Variants in DCX observed in about 807,000 individuals in gnomAD.
DCX encodes neuronal migration protein doublecortin.
DCX carries 4 observed loss-of-function variants against 20.9 expected under a neutral mutation model. The observed-to-expected ratio is 0.19, with a 90% CI of 0.09 to 0.44. DCX has a LOEUF of 0.44. Among genes scored for constraint, DCX ranks in the 20% least tolerant of loss-of-function variants. DCX has a pLI of 0.99. For missense variants in DCX, 133 were observed against 296.9 expected, an observed-to-expected ratio of 0.45 and a Z score of 4.06; for synonymous variants, 103 against 111.4, an observed-to-expected ratio of 0.92 and a Z score of 0.47.
chrX:111,407,328 G>A (rs1397250849), intron 2 of DCX, among the ~76,000 whole-genome samples: 1 of 111,753 alleles, frequency 8.9e-6, no homozygotes, highest in African/African-American at 3.3e-5. Context: ...CAATGACCCT[G>A]ATATTTCACA....
chrX:111,325,548 A>G (rs940644403), intron 5 of DCX, among the ~76,000 whole-genome samples: 3 of 112,328 alleles, frequency 2.7e-5, no homozygotes, highest in Non-Finnish European at 5.6e-5. Flanking sequence ...ATATTTTGCA[A>G]AGTGCATAGC....
At chrX:111,338,850 C>T (rs1921974136) in intron 3 of DCX, among the ~76,000 whole-genome samples, 2 of 111,134 alleles carry the variant, frequency 1.8e-5, no homozygotes, top group African/African-American at 6.5e-5. Context: ...TTCTTTCATA[C>T]TTGTAATTCT....
rs187176021 is a variant in DCX, at chrX:111,297,484, G to A, written c.*4203C>T. 9 of 112,295 alleles carry A rather than the reference G, an allele frequency of 8.0e-5. No individual in the cohort carries two copies. Among genetic ancestry groups the A allele is most frequent in the African/African-American group, 2.6e-4 (8 of 30,930 alleles). The allele number at this position is 112,295 out of a possible 1,213,427, so 9.3% of individuals were successfully genotyped here. On this transcript the variant is annotated 3_prime_UTR_variant, in exon 7 of 7. Coordinates refer to ENST00000636035, the MANE Select transcript of DCX (RefSeq NM_001195553.2). The stretch of plus-strand genomic sequence containing the variant: ...ACAGACAAAATTTTGTTCAAGGTAA[G>A]CACCAATCACTGGTCTAAGACTTGG...
At chrX:111,386,963 G>A (rs1001604421) in intron 3 of DCX, among the ~76,000 whole-genome samples, 7 of 111,350 alleles carry the variant, frequency 6.3e-5, no homozygotes, top group African/African-American at 2.3e-4. Flanking sequence ...TTGAATAGCG[G>A]GTAACACATG....
intron 3 of DCX, among the ~76,000 whole-genome samples, chrX:111,370,630 C>T (rs183681651): frequency 3.6e-5 from 4 of 111,079 alleles, no homozygotes; most frequent in East Asian, 2.8e-4. Flanking sequence ...TCTGTCAGGA[C>T]GCTCTCAGTT....
At chrX:111,388,507 G>A (rs979044158) in intron 3 of DCX, among the ~76,000 whole-genome samples, 1 of 111,924 alleles carries the variant, frequency 8.9e-6, no homozygotes, top group African/African-American at 3.2e-5. Context: ...TCTACCCTAT[G>A]GTCATAGATT....
rs767747156 is a variant in DCX at position 111,312,665 on chromosome X, G to A, written c.1018C>T (p.Pro340Ser). The change falls in exon 6 of 7, where the codon CCT becomes TCT. Residue 340 changes from proline (P) to serine (S), a missense_variant. Pro to Ser is a moderately conservative substitution (Grantham distance 74). Transcript: ENST00000636035. ...ACCTTGTGCTTCCGGAGGCTGCCAG[G>A]ACTGGTGGGCGTAGAGATGGGAGAC... ...KQSPISTPTS[P>S]GSLRKHKVDL... 8.3e-7 allele frequency: 1 copy of A among 1,211,917 alleles called. No homozygotes were observed. The highest frequency in any genetic ancestry group is 1.8e-5 in the South Asian group (1 of 56,974).
intron 3 of DCX, among the ~76,000 whole-genome samples, chrX:111,372,599 T>C (rs1316050858): frequency 9.0e-6 from 1 of 111,278 alleles, no homozygotes; most frequent in East Asian, 2.9e-4. Flanking sequence ...GGCCACTCAG[T>C]CTAATAGCCT....
chrX:111,304,310 T>C (rs2095040284), intron 6 of DCX, among the ~76,000 whole-genome samples: 1 of 112,127 alleles, frequency 8.9e-6, no homozygotes, highest in Non-Finnish European at 1.9e-5. Context: ...CTGTCAAAAT[T>C]AACTTTTTCA....
At position 111,406,601 on chromosome X, in the gene DCX, A is replaced by G. The variant is rs137880921; in HGVS notation, c.364+3434T>C. ...GTGGTCTACATATACATGAAATATC[A>G]TCCTTCAACAAAAAGGAAAGAAGTG... On this transcript the variant is annotated intron_variant, in intron 2 of 6. Coordinates refer to ENST00000636035, the MANE Select transcript of DCX (RefSeq NM_001195553.2). 5.1e-3 allele frequency among the ~76,000 whole-genome samples: 574 copies of G among 112,066 alleles called. 4 individuals are homozygous for G. The highest frequency in any genetic ancestry group is 0.017 in the African/African-American group (534 of 30,934).
chrX:111,357,751 C>A (rs1344649405), intron 3 of DCX, among the ~76,000 whole-genome samples: 1 of 109,585 alleles, frequency 9.1e-6, no homozygotes, highest in Non-Finnish European at 1.9e-5. Flanking sequence ...CGCTGTACTC[C>A]AGCCTGGGCA....
rs776299352 is a variant in DCX, at chrX:111,296,762, A to G, written c.*4925T>C. 1 of 95,471 alleles carries G rather than the reference A, an allele frequency of 1.0e-5. No homozygotes were observed. Among genetic ancestry groups the G allele is most frequent in the East Asian group, 3.4e-4 (1 of 2,973 alleles). The allele number at this position is 95,471 out of a possible 1,213,427, so 7.9% of individuals were successfully genotyped here. A position where few individuals can be genotyped will look rare whatever the true frequency, so the allele number is the denominator to read the frequency against. On this transcript the variant is annotated 3_prime_UTR_variant, in exon 7 of 7. Transcript: ENST00000636035. ...CAGCCTAGGTGACAGAGGGAGACTC[A>G]GTCAAAAAAAAAAAAAAAAAAAAGT...
At chrX:111,318,764 G>C (rs1373306896) in intron 5 of DCX, among the ~76,000 whole-genome samples, 2 of 110,986 alleles carry the variant, frequency 1.8e-5, no homozygotes, top group Non-Finnish European at 3.8e-5. Context: ...TGGACACAAA[G>C]AGGTGAACAA....
chrX:111,303,644 A>C (rs945379654), intron 6 of DCX, among the ~76,000 whole-genome samples: 2 of 112,016 alleles, frequency 1.8e-5, no homozygotes, highest in African/African-American at 6.5e-5. Context: ...ATGACATTGA[A>C]CAAATCTTTG....
intron 3 of DCX, among the ~76,000 whole-genome samples, chrX:111,348,698 C>T (rs1292383837): frequency 9.1e-6 from 1 of 109,978 alleles, no homozygotes; most frequent in African/African-American, 3.3e-5. Context: ...GGCTCTGGGC[C>T]CCACACAACT....
intron 3 of DCX, among the ~76,000 whole-genome samples, chrX:111,388,049 G>A (rs1043697404): frequency 6.3e-5 from 7 of 111,770 alleles, no homozygotes; most frequent in Non-Finnish European, 1.1e-4. Flanking sequence ...GTTTGTATAG[G>A]ACTAAATCTA....
chrX:111,356,185 T>C (rs1332096740), intron 3 of DCX, among the ~76,000 whole-genome samples: 1 of 112,866 alleles, frequency 8.9e-6, no homozygotes, highest in Non-Finnish European at 1.9e-5. Flanking sequence ...ATAATCAGTA[T>C]ACACAAATAA....
In DCX at chrX:111,301,287, G is replaced by GT. The variant is rs1393942314; in HGVS notation, c.*399dup. ...TTGTCATTCTTGGATCTGCCAATGA[G>GT]TTTTTTTTTTCCCACACAAACATTT... On this transcript the variant is annotated 3_prime_UTR_variant, in exon 7 of 7. Coordinates refer to ENST00000636035, the MANE Select transcript of DCX (RefSeq NM_001195553.2). 1,482 of 150,628 alleles carry GT rather than the reference G, an allele frequency of 9.8e-3. No individual in the cohort carries two copies. The highest frequency in any genetic ancestry group is 0.017 in the East Asian group (110 of 6,620). 12.4% of individuals were successfully genotyped at this position (150,628 alleles called of 1,213,427 possible).
chrX:111,351,664 A>G (rs928335825), intron 3 of DCX, among the ~76,000 whole-genome samples: 2 of 112,310 alleles, frequency 1.8e-5, no homozygotes, highest in Non-Finnish European at 3.8e-5. Flanking sequence ...GAGATTGCAG[A>G]TGCCTATAGC....
Sources: allele counts gnomAD v4.1 joint callset (sites outside exome capture counted in the v4.1 genomes callset), GRCh38; gene constraint gnomAD v4.1.1; transcripts MANE v1.5; gene names NCBI Gene and HGNC (gene_info 2026-07-23, HGNC 2026-07-21).